Variants in PDZD2 observed in about 807,000 individuals in gnomAD.
PDZD2 encodes the protein PDZ domain-containing protein 2.
In PDZD2, 90 loss-of-function variants were observed where a neutral mutation model predicts 220.7. The ratio of observed to expected loss-of-function variants is 0.41; its 90% confidence interval spans 0.34 to 0.49. The LOEUF is 0.49. Among genes scored for constraint, PDZD2 ranks in the 20% least tolerant of loss-of-function variants. The pLI is 0.28. For missense variants in PDZD2, 3,174 were observed against 3,608.5 expected, an observed-to-expected ratio of 0.88 and a Z score of 3.08; for synonymous variants, 1,375 against 1,450.5, an observed-to-expected ratio of 0.95 and a Z score of 1.18.
intron 5 of PDZD2, among the ~76,000 whole-genome samples, chr5:32,007,470 T>TC (rs112353581): frequency 2.0e-5 from 3 of 152,296 alleles, no homozygotes; most frequent in Non-Finnish European, 2.9e-5. Context: ...CACTTTTTTT[T>TC]CCCTTTCCTT....
intron 11 of PDZD2, 25 bp downstream of exon 11, chr5:32,057,753 T>C: frequency 6.7e-7 from 1 of 1,485,418 alleles, no homozygotes; most frequent in Non-Finnish European, 9.4e-7. Context: ...ATTGATCTCC[T>C]TTATCCTATT....
At chr5:31,932,374 C>T (rs1365591931) in intron 2 of PDZD2, among the ~76,000 whole-genome samples, 1 of 152,090 alleles carries the variant, frequency 6.6e-6, no homozygotes, top group African/African-American at 2.4e-5. Flanking sequence ...CATGGTGAAA[C>T]TCCGTCTCTA....
chr5:32,088,396 G>A lies in PDZD2; in HGVS notation c.4948G>A (p.Ala1650Thr), dbSNP rs371202130. 101 of 1,613,742 alleles carry A rather than the reference G, an allele frequency of 6.3e-5. No individual in the cohort carries two copies. Among genetic ancestry groups the A allele is most frequent in the Non-Finnish European group, 8.2e-5 (97 of 1,179,934 alleles). ...GGTGGCCAGTCCCCGTGAGAAGGCCGCCTGCTTGCCAGGCTCATACACTTC... is the reference window on the plus strand; with the variant it reads ...GGTGGCCAGTCCCCGTGAGAAGGCCACCTGCTTGCCAGGCTCATACACTTC... The part of the protein sequence containing the change: ...ESVASPREKA[A>T]CLPGSYTSGP... The change falls in exon 20 of 25, where the codon GCC becomes ACC. Residue 1650 changes from alanine (A) to threonine (T), a missense_variant. Ala to Thr is a moderately conservative substitution (Grantham distance 58). This residue lies in a region of PDZD2 where 1,861 missense variants were observed against 2,001.0 expected (regional missense o/e 0.93). Transcript: ENST00000438447. This position sits in a 1 kb window ranked among gnomAD's most constrained non-coding sequence, Gnocchi z 4.6.
chr5:32,105,007 C>T (rs530758304), intron 24 of PDZD2, among the ~76,000 whole-genome samples: 3 of 151,646 alleles, frequency 2.0e-5, no homozygotes, highest in South Asian at 2.1e-4. Context: ...TGGCGGCACG[C>T]ACCTATAGTC....
chr5:32,091,635 C>T (rs560581560), intron 20 of PDZD2, among the ~76,000 whole-genome samples: 6 of 152,208 alleles, frequency 3.9e-5, no homozygotes, highest in Non-Finnish European at 5.9e-5. Flanking sequence ...ACGGTCCATT[C>T]GTCAAAAGTA....
chr5:32,057,051 G>A (rs761922315), intron 10 of PDZD2, among the ~76,000 whole-genome samples: 6 of 152,078 alleles, frequency 3.9e-5, no homozygotes, highest in East Asian at 1.9e-4. Context: ...CTGAGGTCAC[G>A]CCACCGCACT....
At chr5:32,045,826 C>A (rs1165246584) in intron 7 of PDZD2, among the ~76,000 whole-genome samples, 4 of 151,108 alleles carry the variant, frequency 2.6e-5, no homozygotes, top group South Asian at 2.1e-4. Context: ...AAAAAAAAAA[C>A]AAACCTTTAA....
intron 2 of PDZD2, among the ~76,000 whole-genome samples, chr5:31,894,967 G>A (rs1039572824): frequency 2.0e-5 from 3 of 151,876 alleles, no homozygotes; most frequent in Non-Finnish European, 2.9e-5. Flanking sequence ...TCGGCTCACC[G>A]CAACCTCCGC....
chr5:31,765,103 A>G (rs1751919993), intron 1 of PDZD2, among the ~76,000 whole-genome samples: 1 of 151,610 alleles, frequency 6.6e-6, no homozygotes, highest in Non-Finnish European at 1.5e-5. Flanking sequence ...GAATTACCCA[A>G]AGGAAGAGGA....
chr5:32,102,858 C>T (rs1422605366), intron 24 of PDZD2, among the ~76,000 whole-genome samples: 2 of 152,168 alleles, frequency 1.3e-5, no homozygotes, highest in Non-Finnish European at 2.9e-5. Context: ...GCTTGAGCCC[C>T]AGGAGTTCAA....
Position 32,098,240 on chromosome 5 carries a change from T to C in PDZD2, c.7948-124T>C. The stretch of plus-strand genomic sequence containing the variant: ...CTGGGTGACACAGCGAGACTCCCTC[T>C]CAAAAAATAAAAATAAAAAAGGAAG... On this transcript the variant is annotated intron_variant, in intron 22 of 24. Transcript: ENST00000438447. The surrounding 1 kb of genome is among the most constrained non-coding windows in gnomAD (Gnocchi z 4.1). 1.0e-6 allele frequency: 1 copy of C among 978,654 alleles called. No individual in the cohort carries two copies. Among genetic ancestry groups the C allele is most frequent in the Non-Finnish European group, 1.5e-6 (1 of 670,382 alleles). 60.6% of individuals were successfully genotyped at this position (978,654 alleles called of 1,614,324 possible).
chr5:31,881,462 C>G (rs1248265084), intron 2 of PDZD2, among the ~76,000 whole-genome samples: 1 of 151,328 alleles, frequency 6.6e-6, no homozygotes, highest in African/African-American at 2.4e-5. Context: ...ACTGCAACCT[C>G]TGCCTCCCAG....
At chr5:31,780,672 A>G (rs1453188313) in intron 1 of PDZD2, among the ~76,000 whole-genome samples, 4 of 152,178 alleles carry the variant, frequency 2.6e-5, no homozygotes, top group Non-Finnish European at 4.4e-5. Flanking sequence ...GCACAGAAGC[A>G]CACATATAAC....
intron 2 of PDZD2, among the ~76,000 whole-genome samples, chr5:31,884,652 G>A (rs372360752): frequency 3.3e-5 from 5 of 151,924 alleles, no homozygotes; most frequent in African/African-American, 7.3e-5. Context: ...GCAATGGCGC[G>A]ATCTCGGCTC....
chr5:31,881,123 T>A (rs1739861288), intron 2 of PDZD2, among the ~76,000 whole-genome samples: 1 of 151,928 alleles, frequency 6.6e-6, no homozygotes, highest in African/African-American at 2.4e-5. Context: ...CTGGCTATGG[T>A]TTAGAACTGG....
At chr5:31,899,046 T>C (rs7712831) in intron 2 of PDZD2, among the ~76,000 whole-genome samples, 120,858 of 151,576 alleles carry the variant, frequency 0.8, 49,684 homozygotes, top group Non-Finnish European at 0.91. Flanking sequence ...CCAGGATGGT[T>C]TCAATCTCCT....
intron 3 of PDZD2, among the ~76,000 whole-genome samples, chr5:31,991,466 G>T (rs1033286866): frequency 6.6e-6 from 1 of 152,164 alleles, no homozygotes; most frequent in African/African-American, 2.4e-5. Flanking sequence ...TTGGCTTGTG[G>T]ATCATCTTTA....
Position 32,108,582 on chromosome 5 carries a change from T to TGTAA in PDZD2, c.*452_*455dup, listed in dbSNP as rs3062060. ...GACAATCAATCATTTTGTATGATTT[T>TGTAA]GTAAGTAAATGACAGAATGCTTTTA... On this transcript the variant is annotated 3_prime_UTR_variant, in exon 25 of 25. Transcript: ENST00000438447. The TGTAA allele has an allele frequency of 0.6, 92,139 of 152,376 alleles. 28,087 individuals are homozygous for TGTAA. Among genetic ancestry groups the TGTAA allele is most frequent in the Non-Finnish European group, 0.65 (44,540 of 68,170 alleles). The allele number at this position is 152,376 out of a possible 1,614,324, so 9.4% of individuals were successfully genotyped here. A position where few individuals can be genotyped will look rare whatever the true frequency, so the allele number is the denominator to read the frequency against.
intron 1 of PDZD2, among the ~76,000 whole-genome samples, chr5:31,795,571 T>C (rs1260592270): frequency 1.3e-5 from 2 of 152,200 alleles, no homozygotes; most frequent in East Asian, 3.8e-4. Context: ...GATGGGAAGC[T>C]TGTAGGCCTT....
Sources: allele counts gnomAD v4.1 joint callset (sites outside exome capture counted in the v4.1 genomes callset), GRCh38; gene constraint gnomAD v4.1.1; regional missense constraint gnomAD v4.1.1; non-coding constraint Gnocchi (gnomAD v3.1); transcripts MANE v1.5; gene names NCBI Gene and HGNC (gene_info 2026-07-23, HGNC 2026-07-21).